Variants in DAW1 observed in about 807,000 individuals in gnomAD.
The protein encoded by DAW1 is dynein assembly factor with WD repeats 1.
DAW1 carries 47 observed loss-of-function variants against 56.5 expected under a neutral mutation model. That is an observed-to-expected ratio of 0.83 (90% confidence interval 0.66 to 1.06). The LOEUF (loss-of-function observed/expected upper bound fraction) is 1.06, where lower values mean the gene tolerates loss of function less well. Among genes scored for constraint, DAW1 ranks in the 50% least tolerant of loss-of-function variants. The pLI, the probability that DAW1 is intolerant of heterozygous loss-of-function variation, is 0.00. For synonymous variants in DAW1, 190 were observed against 179.0 expected (o/e 1.06, Z -0.49); for missense variants, 505 against 499.3 (o/e 1.01, Z -0.11).
In DAW1 at chr2:227,921,418, G is replaced by C; in HGVS notation, c.1070G>C (p.Gly357Ala). The C allele has an allele frequency of 6.3e-7, 1 of 1,590,670 alleles. No individual in the cohort carries two copies. Residue 357 changes from glycine to alanine, a missense_variant, in exon 12 of 13, where the codon GGG becomes GCG. Transcript: ENST00000309931. Reference protein sequence around the residue: ...EISKISFNPQGNHLLTGSSDK... With the variant: ...EISKISFNPQANHLLTGSSDK... ...TTGCAGATTTCTTTCAACCCTCAAGGGAACCATCTTCTAACTGGCAGCTCT... is the reference window on the plus strand; with the variant it reads ...TTGCAGATTTCTTTCAACCCTCAAGCGAACCATCTTCTAACTGGCAGCTCT...
chr2:227,907,191 T>C lies in DAW1; in HGVS notation c.912T>C (p.Asp304=), dbSNP rs1196619221. 6 of 1,613,828 alleles carry C rather than the reference T, an allele frequency of 3.7e-6. No homozygotes were observed. The highest frequency in any genetic ancestry group is 4.2e-6 in the Non-Finnish European group (5 of 1,179,908). The change falls in exon 10 of 13, where the codon GAT becomes GAC. Residue 304 remains aspartate, a synonymous_variant. Coordinates refer to ENST00000309931, the MANE Select transcript of DAW1 (RefSeq NM_178821.3). ...KCVATLTGHD[D]EILDSCFDYT... The stretch of plus-strand genomic sequence containing the variant: ...TGGCAACCTTAACAGGCCATGATGA[T>C]GAAATACTAGACAGCTGCTTTGATT...
At position 227,891,275 on chromosome 2, in the gene DAW1, G is replaced by A. The variant is rs768095953; in HGVS notation, c.279G>A (p.Leu93=). 4 of 1,613,122 alleles carry A rather than the reference G, an allele frequency of 2.5e-6. No homozygotes were observed. The highest frequency in any genetic ancestry group is 3.4e-6 in the Non-Finnish European group (4 of 1,179,616). ...TGAAGGTTCTCAAAGCACATATATT[G>A]CCACTGACTAATGTTGCACTTAACA... ...YLFKVLKAHI[L]PLTNVALNKS... Residue 93 remains leucine (L), a synonymous_variant, in exon 4 of 13, where the codon TTG becomes TTA. Transcript: ENST00000309931.
At chr2:227,895,827 A>G (rs17250137) in intron 5 of DAW1, among the ~76,000 whole-genome samples, 61,860 of 152,070 alleles carry the variant, frequency 0.41, 13,883 homozygotes, top group Admixed American at 0.56. Flanking sequence ...GCTCTGGCAG[A>G]CAGAAGAGGT....
intron 2 of DAW1, among the ~76,000 whole-genome samples, chr2:227,886,600 A>G (rs1036352953): frequency 6.6e-6 from 1 of 152,140 alleles, no homozygotes; most frequent in Non-Finnish European, 1.5e-5. Flanking sequence ...ATGGGTGACA[A>G]AGTGAGACTC....
chr2:227,910,171 G>A (rs954033119), intron 10 of DAW1, among the ~76,000 whole-genome samples: 37 of 152,024 alleles, frequency 2.4e-4, no homozygotes, highest in Admixed American at 3.3e-4. Context: ...ATGCATCATG[G>A]CCAGGTGTGG....
chr2:227,923,290 C>A (rs565504010), intron 12 of DAW1, among the ~76,000 whole-genome samples: 37 of 152,258 alleles, frequency 2.4e-4, no homozygotes, highest in African/African-American at 8.2e-4. Context: ...TTGTAGTGGC[C>A]TACCTGAGGC....
chr2:227,909,270 A>ATCTGTCTG (rs367916730), intron 10 of DAW1, among the ~76,000 whole-genome samples: 182 of 144,452 alleles, frequency 1.3e-3, no homozygotes, highest in South Asian at 2.4e-3. Flanking sequence ...CTATCTATCT[A>ATCTGTCTG]TCTGTCTGTC....
intron 1 of DAW1, 82 bp downstream of exon 1, chr2:227,871,811 A>G (rs12470042): frequency 0.49 from 765,764 of 1,569,666 alleles, 188,018 homozygotes; most frequent in Admixed American, 0.63. Flanking sequence ...AGGAGGGCGC[A>G]GCCACTGAAA....
chr2:227,886,219 G>T (rs1691127129), intron 2 of DAW1, among the ~76,000 whole-genome samples: 1 of 152,162 alleles, frequency 6.6e-6, no homozygotes, highest in South Asian at 2.1e-4. Context: ...TAATTGTCAT[G>T]GGGCAGAAAA....
intron 1 of DAW1, among the ~76,000 whole-genome samples, chr2:227,884,682 C>T (rs1249512312): frequency 1.3e-5 from 2 of 152,174 alleles, no homozygotes; most frequent in Non-Finnish European, 2.9e-5. Flanking sequence ...CCTGATTATG[C>T]TGCTGGCTGG....
At chr2:227,872,297 A>AAAAAAAAAG (rs1553600898) in intron 1 of DAW1, 2 of 131,466 alleles carry the variant, frequency 1.5e-5, no homozygotes, top group Non-Finnish European at 3.2e-5. Flanking sequence ...AAAAAAGAAA[A>AAAAAAAAAG]AAAAGAAAAA....
At chr2:227,892,190 T>TG (rs1441275260) in intron 4 of DAW1, among the ~76,000 whole-genome samples, 1 of 152,092 alleles carries the variant, frequency 6.6e-6, no homozygotes, top group Non-Finnish European at 1.5e-5. Context: ...TGGAGTGCAA[T>TG]GGCACGATCT....
At chr2:227,909,258 A>ATCTGTCTGTCTG (rs1217798776) in intron 10 of DAW1, among the ~76,000 whole-genome samples, 1 of 137,344 alleles carries the variant, frequency 7.3e-6, no homozygotes, top group African/African-American at 2.6e-5. Context: ...CTATCTATCT[A>ATCTGTCTGTCTG]TCTATCTATC....
At chr2:227,905,562 G>T (rs954260606) in intron 8 of DAW1, among the ~76,000 whole-genome samples, 28 of 152,216 alleles carry the variant, frequency 1.8e-4, no homozygotes, top group African/African-American at 6.5e-4. Context: ...AACAAGAAAT[G>T]ATAGAGGAAG....
rs1329906795 is a variant in DAW1, at chr2:227,907,235, C to T, written c.956C>T (p.Ala319Val). 3.7e-6 allele frequency: 6 copies of T among 1,612,644 alleles called. No individual in the cohort carries two copies. ...TTTGATTACACTGGAAAGCTTATTG[C>T]AACTGCTTCAGCTGATGGTAGGTGA... ...SCFDYTGKLI[A>V]TASADGTARI... Residue 319 changes from alanine (A) to valine (V), a missense_variant, in exon 10 of 13, where the codon GCA becomes GTA. By Grantham distance (64) the Ala-to-Val change is moderately conservative. Transcript: ENST00000309931.
intron 1 of DAW1, among the ~76,000 whole-genome samples, chr2:227,883,017 A>G (rs1223498766): frequency 6.6e-6 from 1 of 152,202 alleles, no homozygotes; most frequent in African/African-American, 2.4e-5. Context: ...GTCTTAAGGA[A>G]AATATAGGTG....
chr2:227,881,270 A>G (rs191512544), intron 1 of DAW1, among the ~76,000 whole-genome samples: 21 of 152,358 alleles, frequency 1.4e-4, no homozygotes, highest in Admixed American at 1.0e-3. Flanking sequence ...TTGAAAGATC[A>G]TGAAGATACT....
At chr2:227,917,014 T>C (rs1358620818) in intron 10 of DAW1, among the ~76,000 whole-genome samples, 1 of 152,128 alleles carries the variant, frequency 6.6e-6, no homozygotes, top group Non-Finnish European at 1.5e-5. Context: ...ATCTCCTTGA[T>C]AACCACATTT....
intron 1 of DAW1, among the ~76,000 whole-genome samples, chr2:227,873,064 C>T (rs1247786293): frequency 6.6e-6 from 1 of 152,204 alleles, no homozygotes; most frequent in African/African-American, 2.4e-5. Flanking sequence ...CCTCACTATA[C>T]TTCTGACTTC....
Sources: allele counts gnomAD v4.1 joint callset (sites outside exome capture counted in the v4.1 genomes callset), GRCh38; gene constraint gnomAD v4.1.1; transcripts MANE v1.5; gene names NCBI Gene and HGNC (gene_info 2026-07-23, HGNC 2026-07-21).